NR3C1: variants seen among roughly 807,000 people sequenced by gnomAD.
The protein encoded by NR3C1 is glucocorticoid receptor.
In NR3C1, 14 loss-of-function variants were observed where a neutral mutation model predicts 74.0. The observed-to-expected ratio is 0.19, with a 90% CI of 0.12 to 0.30. The LOEUF (loss-of-function observed/expected upper bound fraction) is 0.30. NR3C1 is among the 10% of genes least tolerant of loss of function. The pLI is 1.00. For synonymous variants in NR3C1, 308 were observed against 332.5 expected (o/e 0.93, Z 0.80); for missense variants, 695 against 909.8 (o/e 0.76, Z 3.04).
At chr5:143,318,653 C>A (rs1822684371) in intron 2 of NR3C1, among the ~76,000 whole-genome samples, 1 of 152,094 alleles carries the variant, frequency 6.6e-6, no homozygotes, top group Non-Finnish European at 1.5e-5. Context: ...AAGTTTACTT[C>A]AGTCATTTTT....
rs10214015 is a variant in NR3C1, at chr5:143,309,652, C to T, written c.1468+445G>A. ...AGGTTTTTTTTTTCCCACCACCCCC[C>T]GCTTGAAGATCTGTAATAAAACACA... On this transcript the variant is annotated intron_variant, in intron 4 of 8. Coordinates refer to ENST00000394464, the MANE Select transcript of NR3C1 (RefSeq NM_000176.3). Among the ~76,000 whole-genome samples, 703 of 151,992 alleles carry T rather than the reference C, an allele frequency of 4.6e-3. 2 individuals are homozygous for T. Among genetic ancestry groups the T allele is most frequent in the African/African-American group, 0.016 (664 of 41,476 alleles).
At chr5:143,348,486 G>C (rs1264155888) in intron 2 of NR3C1, among the ~76,000 whole-genome samples, 1 of 152,152 alleles carries the variant, frequency 6.6e-6, no homozygotes, top group African/African-American at 2.4e-5. Context: ...TGATATGCAT[G>C]TTCCCAGCTG....
At chr5:143,368,201 G>A (rs1008366579) in intron 2 of NR3C1, among the ~76,000 whole-genome samples, 7 of 152,212 alleles carry the variant, frequency 4.6e-5, no homozygotes, top group Non-Finnish European at 8.8e-5. Flanking sequence ...AAAAGAATAA[G>A]TTAGAGCCCT....
Position 143,392,937 on chromosome 5 carries a change from T to C in NR3C1, c.1184+6719A>G, listed in dbSNP as rs140310762. Among the ~76,000 whole-genome samples the C allele has an allele frequency of 4.5e-3, 690 of 152,302 alleles. 4 individuals carry two copies. Among genetic ancestry groups the C allele is most frequent in the African/African-American group, 0.016 (658 of 41,568 alleles). ...GAACTTAGATAACTAAGAATTGAGA[T>C]ATTCAAACTGGCAACACCGCTCATT... On this transcript the variant is annotated intron_variant, in intron 2 of 8. Coordinates refer to ENST00000394464, the MANE Select transcript of NR3C1 (RefSeq NM_000176.3).
rs370718208 is a variant in NR3C1, at chr5:143,320,180, T to A, written c.1185-6012A>T. ...ATTACTGATTTGTTTGATAATAAGC[T>A]ATGGAATAGTTTTCAAATCAAATAG... is the stretch of plus-strand genomic sequence containing the variant. On this transcript the variant is annotated intron_variant, in intron 2 of 8. Coordinates refer to ENST00000394464, the MANE Select transcript of NR3C1 (RefSeq NM_000176.3). Among the ~76,000 whole-genome samples the A allele has an allele frequency of 7.9e-5, 12 of 152,352 alleles. No individual in the cohort carries two copies. The South Asian group carries it at 1.4e-3, about 18-fold the overall frequency.
chr5:143,300,905 T>C lies in NR3C1; in HGVS notation c.1469-142A>G. ...ATTTAGCAATTATGATAAAGTGACA[T>C]GGAAAAGGAGAAAAAACTTTTTTTT... On this transcript the variant is annotated intron_variant, in intron 4 of 8. Coordinates refer to ENST00000394464, the MANE Select transcript of NR3C1 (RefSeq NM_000176.3). This position sits in a 1 kb window ranked among gnomAD's most constrained non-coding sequence, Gnocchi z 5.2. 1 of 1,003,412 alleles carries C rather than the reference T, an allele frequency of 1.0e-6. No individual in the cohort carries two copies. Among genetic ancestry groups the C allele is most frequent in the Non-Finnish European group, 1.4e-6 (1 of 709,232 alleles). 62.2% of individuals were successfully genotyped at this position (1,003,412 alleles called of 1,614,324 possible). A position where few individuals can be genotyped will look rare whatever the true frequency, so the allele number is the denominator to read the frequency against.
chr5:143,300,912 G>A lies in NR3C1; in HGVS notation c.1469-149C>T. 1.0e-6 allele frequency: 1 copy of A among 984,116 alleles called. No individual in the cohort carries two copies. The highest frequency in any genetic ancestry group is 1.4e-6 in the Non-Finnish European group (1 of 695,662). 61.0% of individuals were successfully genotyped at this position (984,116 alleles called of 1,614,324 possible). A position where few individuals can be genotyped will look rare whatever the true frequency, so the allele number is the denominator to read the frequency against. On this transcript the variant is annotated intron_variant, in intron 4 of 8. Transcript: ENST00000394464. This position sits in a 1 kb window ranked among gnomAD's most constrained non-coding sequence, Gnocchi z 5.2. Reference sequence around the variant, plus strand: ...AATTATGATAAAGTGACATGGAAAAGGAGAAAAAACTTTTTTTTTTCTGAA... The same window carrying A: ...AATTATGATAAAGTGACATGGAAAAAGAGAAAAAACTTTTTTTTTTCTGAA...
At position 143,282,794 on chromosome 5, in the gene NR3C1, GAGAT is replaced by G. The variant is rs773684732; in HGVS notation, c.2024-73_2024-70del. ...TTTCTTTTCTTTTTTTTTTTTTTTT[GAGAT>G]AGATAGGGTCTCACTGTGTCATCCA... On this transcript the variant is annotated intron_variant, in intron 7 of 8. Coordinates refer to ENST00000394464, the MANE Select transcript of NR3C1 (RefSeq NM_000176.3). 203 of 1,096,072 alleles carry G rather than the reference GAGAT, an allele frequency of 1.9e-4. 1 individual carries two copies. Among genetic ancestry groups the G allele is most frequent in the South Asian group, 1.5e-3 (103 of 69,618 alleles). 67.9% of individuals were successfully genotyped at this position (1,096,072 alleles called of 1,614,324 possible). A position where few individuals can be genotyped will look rare whatever the true frequency, so the allele number is the denominator to read the frequency against.
intron 7 of NR3C1, among the ~76,000 whole-genome samples, chr5:143,290,943 T>C (rs1039883512): frequency 5.9e-5 from 9 of 152,172 alleles, no homozygotes; most frequent in Non-Finnish European, 8.8e-5. Context: ...TACTTCCTGT[T>C]ATCATGCCCT....
chr5:143,435,205 C>T lies in NR3C1; in HGVS notation c.-687G>A, dbSNP rs1354768984. The T allele has an allele frequency of 5.1e-6, 5 of 985,330 alleles. No individual in the cohort carries two copies. In the South Asian group the frequency reaches 1.9e-4, roughly 37 times the overall value. 61.0% of individuals were successfully genotyped at this position (985,330 alleles called of 1,614,324 possible). A position where few individuals can be genotyped will look rare whatever the true frequency, so the allele number is the denominator to read the frequency against. ...ACTTTCCCTTTTTTCTTCTCTTACC[C>T]TCTTTCTGTTTCTATTCCTTCCCCA... On this transcript the variant is annotated 5_prime_UTR_variant, in exon 1 of 9. Coordinates refer to the NR3C1 transcript ENST00000343796.
chr5:143,431,172 A>G (rs1188635135), intron 1 of NR3C1, among the ~76,000 whole-genome samples: 2 of 152,106 alleles, frequency 1.3e-5, no homozygotes, highest in African/African-American at 4.8e-5. Flanking sequence ...TGGGTAAGAA[A>G]TGTGGCTCAG....
chr5:143,339,953 G>A (rs1827878601), intron 2 of NR3C1, among the ~76,000 whole-genome samples: 2 of 152,158 alleles, frequency 1.3e-5, no homozygotes, highest in African/African-American at 4.8e-5. Flanking sequence ...GGAAGACAAT[G>A]AAAATTCAAG....
chr5:143,279,324 G>A lies in NR3C1; in HGVS notation c.*2565C>T. ...TGCACATAATCTTCTTTTTCTCATTGAGTTCTATTTTTTGAGCGCCAAGAT... is the reference window on the plus strand; with the variant it reads ...TGCACATAATCTTCTTTTTCTCATTAAGTTCTATTTTTTGAGCGCCAAGAT... On this transcript the variant is annotated 3_prime_UTR_variant, in exon 9 of 9. Coordinates refer to ENST00000394464, the MANE Select transcript of NR3C1 (RefSeq NM_000176.3). 6.5e-7 allele frequency: 1 copy of A among 1,537,612 alleles called. No homozygotes were observed. The highest frequency in any genetic ancestry group is 8.7e-7 in the Non-Finnish European group (1 of 1,143,106).
chr5:143,294,247 T>C (rs1262154432), intron 7 of NR3C1: 4 of 984,932 alleles, frequency 4.1e-6, no homozygotes, highest in Admixed American at 1.2e-4. Context: ...CAGTTACTAA[T>C]GGAATTAAGA....
intron 2 of NR3C1, chr5:143,375,949 A>G (rs962391566): frequency 1.3e-5 from 2 of 152,212 alleles, no homozygotes; most frequent in African/African-American, 4.8e-5. Context: ...AATTTTCATG[A>G]ACCACTTCTA....
At chr5:143,393,659 C>T (rs928529702) in intron 2 of NR3C1, among the ~76,000 whole-genome samples, 3 of 151,874 alleles carry the variant, frequency 2.0e-5, no homozygotes, top group African/African-American at 7.2e-5. Flanking sequence ...AAACAGTGTC[C>T]ATAACAAACT....
chr5:143,414,492 C>G (rs891818152), intron 1 of NR3C1, among the ~76,000 whole-genome samples: 1 of 152,194 alleles, frequency 6.6e-6, no homozygotes, highest in Non-Finnish European at 1.5e-5. Context: ...CCTATAATTA[C>G]CATCAGCAAA....
intron 2 of NR3C1, among the ~76,000 whole-genome samples, chr5:143,371,658 A>G (rs1834255907): frequency 6.6e-6 from 1 of 152,248 alleles, no homozygotes; most frequent in South Asian, 2.1e-4. Flanking sequence ...TCATTGGCCA[A>G]TATGTTTCAT....
intron 2 of NR3C1, among the ~76,000 whole-genome samples, chr5:143,349,742 AC>A (rs1345881151): frequency 6.6e-6 from 1 of 152,178 alleles, no homozygotes. Flanking sequence ...ACTGGGGTAT[AC>A]CACAGTGAAA....
Sources: gnomAD v4.1 joint callset for allele counts (sites outside exome capture counted in the v4.1 genomes callset) on GRCh38, gnomAD v4.1.1 for gene constraint, Gnocchi (gnomAD v3.1) non-coding constraint, MANE v1.5 for transcripts, NCBI Gene and HGNC (gene_info 2026-07-23, HGNC 2026-07-21) for gene names.